Variants in GRIA1 observed in about 807,000 individuals in gnomAD.
GRIA1 encodes glutamate ionotropic receptor AMPA type subunit 1.
A neutral mutation model predicts 99.2 loss-of-function variants in GRIA1; 31 were observed. The observed-to-expected ratio is 0.31, with a 90% CI of 0.23 to 0.42. The LOEUF (loss-of-function observed/expected upper bound fraction) is 0.42, where lower values mean the gene tolerates loss of function less well. Among genes scored for constraint, GRIA1 ranks in the 10% least tolerant of loss-of-function variants. The pLI is 1.00. For synonymous variants in GRIA1, 438 were observed against 432.4 expected (o/e 1.01, Z -0.16); for missense variants, 782 against 1,157.5 (o/e 0.68, Z 4.71).
chr5:153,701,342 C>A (rs13178098), intron 10 of GRIA1, among the ~76,000 whole-genome samples: 8 of 151,828 alleles, frequency 5.3e-5, no homozygotes, highest in African/African-American at 1.2e-4. Flanking sequence ...TGACCAGGTG[C>A]GGTGGCTCAT....
chr5:153,791,383 C>T (rs1765297644), intron 13 of GRIA1, among the ~76,000 whole-genome samples: 1 of 151,832 alleles, frequency 6.6e-6, no homozygotes, highest in South Asian at 2.1e-4. Flanking sequence ...TGAGGCTTTT[C>T]TTATTTGCTG....
intron 2 of GRIA1, among the ~76,000 whole-genome samples, chr5:153,616,484 CA>C (rs879361330): frequency 1.5e-4 from 23 of 148,416 alleles, no homozygotes; most frequent in South Asian, 4.3e-4. Flanking sequence ...AAAAAATTCG[CA>C]AAAAAAAAAT....
chr5:153,692,807 A>AT lies in GRIA1; in HGVS notation c.1135-5235dup, dbSNP rs1757853995. Reference sequence around the variant, plus strand: ...AGCACATACAAATAAAAGGTTGTTTATTACATCACTGGGAAGTTTATCAAA... The same window carrying AT: ...AGCACATACAAATAAAAGGTTGTTTATTTACATCACTGGGAAGTTTATCAAA... On this transcript the variant is annotated intron_variant, in intron 8 of 15. Transcript: ENST00000285900. Among the ~76,000 whole-genome samples, 3 of 152,196 alleles carry AT rather than the reference A, an allele frequency of 2.0e-5. No homozygotes were observed. The South Asian group carries it at 6.2e-4, about 31-fold the overall frequency.
intron 2 of GRIA1, among the ~76,000 whole-genome samples, chr5:153,562,663 T>C (rs12522802): frequency 0.13 from 20,000 of 152,126 alleles, 1,489 homozygotes; most frequent in South Asian, 0.25. Flanking sequence ...TTACTTGATT[T>C]TTGCATATCC....
chr5:153,773,725 A>T (rs1338318326), intron 13 of GRIA1, among the ~76,000 whole-genome samples: 1 of 152,216 alleles, frequency 6.6e-6, no homozygotes, highest in Non-Finnish European at 1.5e-5. Flanking sequence ...AACATGTTTC[A>T]AATACAGATC....
At position 153,568,605 on chromosome 5, in the gene GRIA1, C is replaced by T. The variant is rs898841569; in HGVS notation, c.220+74540C>T. Among the ~76,000 whole-genome samples the T allele has an allele frequency of 2.6e-5, 4 of 152,148 alleles. 1 individual carries two copies. Among genetic ancestry groups the T allele is most frequent in the Middle Eastern group, 3.4e-3 (1 of 294 alleles). ...TTTCTTTCTTTGGCTCACAGCAATT[C>T]TTCACTCACAAAGTCCTATGTAGTC... is the stretch of plus-strand genomic sequence containing the variant. On this transcript the variant is annotated intron_variant, in intron 2 of 15. Transcript: ENST00000285900.
chr5:153,660,728 C>T (rs2042257), intron 5 of GRIA1, among the ~76,000 whole-genome samples: 37,564 of 152,040 alleles, frequency 0.25, 5,737 homozygotes, highest in Non-Finnish European at 0.34. Context: ...TTGTTAGTGC[C>T]GCATTTTCCA....
rs70978504 is a variant in GRIA1 at position 153,701,619 on chromosome 5, C to CAA, written c.1452+2568_1452+2569dup. Reference sequence around the variant, plus strand: ...CTGGGCGACAAAGCGAGACCCGTCTCAAAAAAAAAAAAAAAAAAAAAAATA... The same window carrying CAA: ...CTGGGCGACAAAGCGAGACCCGTCTCAAAAAAAAAAAAAAAAAAAAAAAAATA... On this transcript the variant is annotated intron_variant, in intron 10 of 15. Transcript: ENST00000285900. 4.8e-3 allele frequency among the ~76,000 whole-genome samples: 187 copies of CAA among 39,344 alleles called. 17 individuals are homozygous for CAA. Among genetic ancestry groups the CAA allele is most frequent in the African/African-American group, 6.5e-3 (71 of 10,846 alleles). The allele number at this position is 39,344 out of a possible 152,430, so 25.8% of individuals were successfully genotyped here.
chr5:153,637,488 C>T (rs138621030), intron 2 of GRIA1, among the ~76,000 whole-genome samples: 73 of 152,242 alleles, frequency 4.8e-4, no homozygotes, highest in African/African-American at 1.7e-3. Context: ...TGGACCATCC[C>T]GGAAAGATCC....
At chr5:153,732,680 T>C (rs913629618) in intron 11 of GRIA1, among the ~76,000 whole-genome samples, 3 of 152,060 alleles carry the variant, frequency 2.0e-5, no homozygotes, top group African/African-American at 7.2e-5. Context: ...ATAATTGCCT[T>C]TTCATTTTGA....
At chr5:153,536,932 T>C (rs1758632384) in intron 2 of GRIA1, among the ~76,000 whole-genome samples, 1 of 152,224 alleles carries the variant, frequency 6.6e-6, no homozygotes, top group Non-Finnish European at 1.5e-5. Flanking sequence ...GTTTTAATAC[T>C]AGTTATGCTA....
chr5:153,777,772 A>C (rs1182052234), intron 13 of GRIA1, among the ~76,000 whole-genome samples: 2 of 152,202 alleles, frequency 1.3e-5, no homozygotes, highest in East Asian at 3.8e-4. Context: ...ATGCTAAAAA[A>C]TAAAGCCCTA....
At chr5:153,539,014 G>A (rs1258194604) in intron 2 of GRIA1, among the ~76,000 whole-genome samples, 1 of 152,184 alleles carries the variant, frequency 6.6e-6, no homozygotes, top group African/African-American at 2.4e-5. Flanking sequence ...GACACTGGCT[G>A]GGTTTGTGAA....
chr5:153,493,553 T>A (rs1754122772), intron 1 of GRIA1, among the ~76,000 whole-genome samples: 1 of 152,148 alleles, frequency 6.6e-6, no homozygotes, highest in East Asian at 1.9e-4. Context: ...AAATTAGACA[T>A]GACTAGAGGG....
At chr5:153,788,742 C>T (rs868626187) in intron 13 of GRIA1, among the ~76,000 whole-genome samples, 1 of 152,324 alleles carries the variant, frequency 6.6e-6, no homozygotes. Flanking sequence ...TTAGTACATA[C>T]CTAGGACCTC....
rs527388314 is a variant in GRIA1, at chr5:153,557,381, C to T, written c.220+63316C>T. Among the ~76,000 whole-genome samples the T allele has an allele frequency of 2.0e-5, 3 of 152,340 alleles. No homozygotes were observed. In the South Asian group the frequency reaches 6.2e-4, roughly 32 times the overall value. Reference sequence around the variant, plus strand: ...CCAGGTTCAAGCGATTCTCCTGCCTCAGCTTCCCAAGTAGCTGGGATTACA... The same window carrying T: ...CCAGGTTCAAGCGATTCTCCTGCCTTAGCTTCCCAAGTAGCTGGGATTACA... On this transcript the variant is annotated intron_variant, in intron 2 of 15. Transcript: ENST00000285900.
At chr5:153,560,865 C>A (rs1328674760) in intron 2 of GRIA1, among the ~76,000 whole-genome samples, 1 of 152,122 alleles carries the variant, frequency 6.6e-6, no homozygotes, top group African/African-American at 2.4e-5. Flanking sequence ...GTAATTAAAC[C>A]AGAGCAGCAA....
rs1219706710 is a variant in GRIA1 at position 153,770,241 on chromosome 5, C to G, written c.2096C>G (p.Thr699Ser). The change falls in exon 13 of 16, where the codon ACC (threonine) becomes AGC (serine). Residue 699 changes from threonine to serine, a missense_variant. Coordinates refer to ENST00000285900, the MANE Select transcript of GRIA1 (RefSeq NM_000827.4). The part of the protein sequence containing the change: ...KSAEPSVFVR[T>S]TEEGMIRVRK... ...GCAGAGCCATCAGTTTTTGTGCGGA[C>G]CACAGAGGAGGGGATGATTCGAGTG... 4 of 1,613,918 alleles carry G rather than the reference C, an allele frequency of 2.5e-6. No homozygotes were observed. The highest frequency in any genetic ancestry group is 3.4e-6 in the Non-Finnish European group (4 of 1,179,860).
chr5:153,611,042 A>G (rs1020141203), intron 2 of GRIA1, among the ~76,000 whole-genome samples: 1 of 152,120 alleles, frequency 6.6e-6, no homozygotes, highest in African/African-American at 2.4e-5. Context: ...CTTGCTGCTC[A>G]TTTCAGAAAG....
Sources: gnomAD v4.1 joint callset for allele counts (sites outside exome capture counted in the v4.1 genomes callset) on GRCh38, gnomAD v4.1.1 for gene constraint, MANE v1.5 for transcripts, NCBI Gene and HGNC (gene_info 2026-07-23, HGNC 2026-07-21) for gene names.